PRKG1: variants seen among roughly 807,000 people sequenced by gnomAD.
PRKG1 encodes the protein cGMP-dependent protein kinase 1.
In PRKG1, 35 loss-of-function variants were observed where a neutral mutation model predicts 88.1. The observed-to-expected ratio is 0.40, with a 90% CI of 0.30 to 0.53. The LOEUF is 0.53. Ranked by LOEUF, PRKG1 falls within the 20% of genes least tolerant of loss-of-function variation. PRKG1 has a pLI of 0.59. For synonymous variants in PRKG1, 303 were observed against 292.5 expected, an observed-to-expected ratio of 1.04 and a Z score of -0.37; for missense variants, 540 against 839.8, an observed-to-expected ratio of 0.64 and a Z score of 4.41.
rs569103757 is a variant in PRKG1 at position 52,099,735 on chromosome 10, T to C, written c.936-34105T>C. ...ACTTAGATACTGTTAGGGTTGCTTT[T>C]GGAATCACAAACCTAGGGTATAAGC... On this transcript the variant is annotated intron_variant, in intron 7 of 17. Transcript: ENST00000373980. Among the ~76,000 whole-genome samples the C allele has an allele frequency of 1.7e-4, 26 of 152,326 alleles. No individual in the cohort carries two copies. The South Asian group carries it at 5.4e-3, about 32-fold the overall frequency.
At chr10:52,273,364 A>G (rs1841784317) in intron 12 of PRKG1, among the ~76,000 whole-genome samples, 1 of 151,868 alleles carries the variant, frequency 6.6e-6, no homozygotes, top group Non-Finnish European at 1.5e-5. Context: ...AGACATCTGT[A>G]TTTTTCTTAT....
chr10:51,040,303 C>T (rs1435979747), intron 1 of PRKG1, among the ~76,000 whole-genome samples: 131 of 44,276 alleles, frequency 3.0e-3, no homozygotes, highest in African/African-American at 3.4e-3. Flanking sequence ...GCTTTTTTTT[C>T]TTTTTCTCTT....
intron 1 of PRKG1, among the ~76,000 whole-genome samples, chr10:51,144,384 C>A (rs1845891131): frequency 6.6e-6 from 1 of 152,010 alleles, no homozygotes; most frequent in African/African-American, 2.4e-5. Flanking sequence ...TTATGTAATT[C>A]TCTGAGTTCT....
At chr10:51,889,386 A>G (rs1841658844) in intron 4 of PRKG1, among the ~76,000 whole-genome samples, 1 of 152,068 alleles carries the variant, frequency 6.6e-6, no homozygotes, top group African/African-American at 2.4e-5. Context: ...AAAGGACATG[A>G]ACTTATACTT....
intron 5 of PRKG1, among the ~76,000 whole-genome samples, chr10:52,010,939 A>G (rs1277162933): frequency 2.0e-5 from 3 of 152,218 alleles, no homozygotes; most frequent in Non-Finnish European, 4.4e-5. Flanking sequence ...CATTTTGTTC[A>G]TCCCTTCTGG....
chr10:51,282,762 C>T (rs770847371), intron 2 of PRKG1, among the ~76,000 whole-genome samples: 1 of 145,450 alleles, frequency 6.9e-6, no homozygotes, highest in African/African-American at 2.7e-5. Flanking sequence ...GTATAAAGTG[C>T]ATTAGTTTTA....
chr10:51,711,413 T>C (rs1841748050), intron 3 of PRKG1, among the ~76,000 whole-genome samples: 1 of 152,194 alleles, frequency 6.6e-6, no homozygotes, highest in Non-Finnish European at 1.5e-5. Context: ...CTGACCTTTC[T>C]TTTTCATATA....
intron 9 of PRKG1, among the ~76,000 whole-genome samples, chr10:52,169,480 C>T (rs1589668683): frequency 6.6e-6 from 1 of 152,268 alleles, no homozygotes; most frequent in Non-Finnish European, 1.5e-5. Context: ...GACCCAATAA[C>T]CTCCCAAAGG....
At chr10:51,680,028 C>T (rs1840810131) in intron 3 of PRKG1, among the ~76,000 whole-genome samples, 1 of 152,148 alleles carries the variant, frequency 6.6e-6, no homozygotes. Context: ...CCCCTTCCAC[C>T]ACATCTCAGA....
chr10:52,112,102 C>T (rs147841187), intron 7 of PRKG1, among the ~76,000 whole-genome samples: 2,399 of 152,192 alleles, frequency 0.016, 79 homozygotes, highest in Admixed American at 0.066. Flanking sequence ...ATTCAGGTTG[C>T]CCCCACTATT....
chr10:51,280,195 G>T (rs764806394), intron 2 of PRKG1, among the ~76,000 whole-genome samples: 9 of 152,146 alleles, frequency 5.9e-5, no homozygotes, highest in Non-Finnish European at 1.3e-4. Flanking sequence ...TTGAATATTG[G>T]CCCCCACTCT....
chr10:51,863,310 G>T (rs973753498), intron 4 of PRKG1, among the ~76,000 whole-genome samples: 2 of 152,148 alleles, frequency 1.3e-5, no homozygotes, highest in Non-Finnish European at 2.9e-5. Flanking sequence ...AGATTCTTAA[G>T]CAATCTCTAT....
At chr10:52,053,139 G>T (rs1846030239) in intron 5 of PRKG1, among the ~76,000 whole-genome samples, 1 of 152,068 alleles carries the variant, frequency 6.6e-6, no homozygotes, top group Admixed American at 6.5e-5. Context: ...GTTGGTGGTT[G>T]TTAAAAGCAT....
intron 3 of PRKG1, among the ~76,000 whole-genome samples, chr10:51,675,602 A>C (rs1840690549): frequency 6.6e-6 from 1 of 152,194 alleles, no homozygotes. Flanking sequence ...TAAAACCAAA[A>C]GATGTCTAGT....
At chr10:51,021,768 C>T (rs1843140170) in intron 1 of PRKG1, among the ~76,000 whole-genome samples, 2 of 152,178 alleles carry the variant, frequency 1.3e-5, no homozygotes, top group South Asian at 4.1e-4. Flanking sequence ...GCAACCTCTG[C>T]CTTCCGGATT....
intron 4 of PRKG1, among the ~76,000 whole-genome samples, chr10:51,839,853 A>G (rs973264180): frequency 6.6e-6 from 1 of 152,172 alleles, no homozygotes; most frequent in Non-Finnish European, 1.5e-5. Context: ...TTAGTTACCC[A>G]TTTGAATACA....
At chr10:52,079,005 C>T (rs1051662719) in intron 7 of PRKG1, among the ~76,000 whole-genome samples, 1 of 152,210 alleles carries the variant, frequency 6.6e-6, no homozygotes, top group Non-Finnish European at 1.5e-5. Flanking sequence ...AGAATAGCCT[C>T]TACTGGCATT....
intron 4 of PRKG1, among the ~76,000 whole-genome samples, chr10:51,859,465 A>G (rs1346553207): frequency 6.6e-6 from 1 of 151,838 alleles, no homozygotes; most frequent in African/African-American, 2.4e-5. Context: ...GGGAAGACAT[A>G]CTTAAAAAAA....
At chr10:51,194,416 G>A (rs558249815) in intron 2 of PRKG1, among the ~76,000 whole-genome samples, 5 of 152,082 alleles carry the variant, frequency 3.3e-5, no homozygotes, top group South Asian at 2.1e-4. Context: ...AGGCCCCAGT[G>A]TGTGATGTTC....
Sources: allele counts gnomAD v4.1 joint callset (sites outside exome capture counted in the v4.1 genomes callset), GRCh38; gene constraint gnomAD v4.1.1; transcripts MANE v1.5; gene names NCBI Gene and HGNC (gene_info 2026-07-23, HGNC 2026-07-21).